KICS2: variants seen among roughly 807,000 people sequenced by gnomAD.
The protein encoded by KICS2 is KICSTOR subunit 2, also known as KICSTOR complex protein C12orf66.
A neutral mutation model predicts 31.4 loss-of-function variants in KICS2; 13 were observed. The observed-to-expected ratio is 0.41, with a 90% CI of 0.27 to 0.66. KICS2 has a LOEUF of 0.66. Among genes scored for constraint, KICS2 ranks in the 30% least tolerant of loss-of-function variants. The pLI is 0.28. For synonymous variants in KICS2, 209 were observed against 214.8 expected, an observed-to-expected ratio of 0.97 and a Z score of 0.24; for missense variants, 455 against 545.4, an observed-to-expected ratio of 0.83 and a Z score of 1.65.
intron 2 of KICS2, among the ~76,000 whole-genome samples, chr12:64,195,052 T>C (rs1396583266): frequency 1.3e-5 from 2 of 152,056 alleles, no homozygotes; most frequent in African/African-American, 2.4e-5. Flanking sequence ...AGTGAGCCTC[T>C]TGCCTTAGCA....
intron 2 of KICS2, among the ~76,000 whole-genome samples, chr12:64,214,311 C>T (rs1437882779): frequency 2.0e-5 from 3 of 152,134 alleles, no homozygotes; most frequent in African/African-American, 7.2e-5. Flanking sequence ...AGAAAAAACA[C>T]CCTAAACAAA....
At chr12:64,206,264 T>C (rs562997416) in intron 2 of KICS2, among the ~76,000 whole-genome samples, 47 of 152,318 alleles carry the variant, frequency 3.1e-4, no homozygotes, top group African/African-American at 1.1e-3. Context: ...CATGCAGCTT[T>C]GGTACATAGG....
At chr12:64,196,139 T>C (rs1436662116) in intron 2 of KICS2, among the ~76,000 whole-genome samples, 1 of 152,158 alleles carries the variant, frequency 6.6e-6, no homozygotes, top group Non-Finnish European at 1.5e-5. Flanking sequence ...GCTCCACCTC[T>C]GGGGGCAGGG....
intron 2 of KICS2, among the ~76,000 whole-genome samples, chr12:64,199,068 T>C (rs1448828994): frequency 9.2e-5 from 7 of 76,262 alleles, no homozygotes; most frequent in Admixed American, 4.6e-4. Context: ...TTCCAATCAA[T>C]AGAAAAAGAG....
Position 64,191,389 on chromosome 12 carries a change from A to G in KICS2, c.*2453T>C, listed in dbSNP as rs552918931. 2 of 152,136 alleles carry G rather than the reference A, an allele frequency of 1.3e-5. No individual in the cohort carries two copies. The highest frequency in any genetic ancestry group is 2.9e-5 in the Non-Finnish European group (2 of 68,012). 9.4% of individuals were successfully genotyped at this position (152,136 alleles called of 1,614,324 possible). A position where few individuals can be genotyped will look rare whatever the true frequency, so the allele number is the denominator to read the frequency against. On this transcript the variant is annotated 3_prime_UTR_variant, in exon 3 of 3. Coordinates refer to ENST00000398055, the MANE Select transcript of KICS2 (RefSeq NM_152440.5). ...TTTTTGTGTTTATGTTTAAAAATAG[A>G]TATACAATTCAAATATGTTCTAGGT...
chr12:64,207,068 G>A (rs574592603), intron 2 of KICS2, among the ~76,000 whole-genome samples: 1 of 152,168 alleles, frequency 6.6e-6, no homozygotes, highest in African/African-American at 2.4e-5. Flanking sequence ...ACTTTGGGAG[G>A]CTGAGATGGG....
At chr12:64,210,937 A>T (rs1456151817) in intron 2 of KICS2, among the ~76,000 whole-genome samples, 1 of 152,120 alleles carries the variant, frequency 6.6e-6, no homozygotes, top group Non-Finnish European at 1.5e-5. Flanking sequence ...TTAGTTACCC[A>T]ATTTTTTTGA....
Position 64,192,831 on chromosome 12 carries a change from A to G in KICS2, c.*1011T>C. 1.0e-6 allele frequency: 1 copy of G among 985,484 alleles called. No individual in the cohort carries two copies. The highest frequency in any genetic ancestry group is 1.2e-6 in the Non-Finnish European group (1 of 829,944). 61.0% of individuals were successfully genotyped at this position (985,484 alleles called of 1,614,324 possible). ...GGGGGCAGGCATGAAACCCAAGTTC[A>G]GAAGTGCTTAAGTACTGAGGTGATT... On this transcript the variant is annotated 3_prime_UTR_variant, in exon 3 of 3. Coordinates refer to ENST00000398055, the MANE Select transcript of KICS2 (RefSeq NM_152440.5).
chr12:64,220,850 GAAT>G (rs1166920003), intron 1 of KICS2, among the ~76,000 whole-genome samples: 1 of 152,032 alleles, frequency 6.6e-6, no homozygotes, highest in African/African-American at 2.4e-5. Context: ...ATAGAAAGGG[GAAT>G]AATAACACCA....
intron 2 of KICS2, among the ~76,000 whole-genome samples, chr12:64,215,261 G>A (rs1018299086): frequency 1.3e-5 from 2 of 152,138 alleles, no homozygotes; most frequent in African/African-American, 4.8e-5. Flanking sequence ...GCAGTGAGCT[G>A]AGATCATGCT....
At chr12:64,202,853 G>T (rs2037503312) in intron 2 of KICS2, among the ~76,000 whole-genome samples, 1 of 151,816 alleles carries the variant, frequency 6.6e-6, no homozygotes, top group African/African-American at 2.4e-5. Context: ...TCTAGGCACA[G>T]GGAAAAAAGG....
chr12:64,187,721 T>G, downstream of KICS2: 1 of 1,296,954 alleles, frequency 7.7e-7, no homozygotes, highest in Non-Finnish European at 1.1e-6. Context: ...GGGAGTCACA[T>G]AGCATGTTTT....
At position 64,193,396 on chromosome 12, in the gene KICS2, A is replaced by G; in HGVS notation, c.*446T>C. ...CCATATTCATTTGCTAATTTATGAG[A>G]CAGAAAACATATAGTTCTTAATTCT... is the stretch of plus-strand genomic sequence containing the variant. On this transcript the variant is annotated 3_prime_UTR_variant, in exon 3 of 3. Transcript: ENST00000398055. 1 of 986,012 alleles carries G rather than the reference A, an allele frequency of 1.0e-6. No individual in the cohort carries two copies. The highest frequency in any genetic ancestry group is 1.2e-6 in the Non-Finnish European group (1 of 830,248). The allele number at this position is 986,012 out of a possible 1,614,324, so 61.1% of individuals were successfully genotyped here. A position where few individuals can be genotyped will look rare whatever the true frequency, so the allele number is the denominator to read the frequency against.
chr12:64,210,999 G>A (rs2037577779), intron 2 of KICS2, among the ~76,000 whole-genome samples: 1 of 151,970 alleles, frequency 6.6e-6, no homozygotes, highest in African/African-American at 2.4e-5. Flanking sequence ...GAGGTTTCTG[G>A]GCACACTAAA....
At chr12:64,219,086 T>C (rs2037655421) in intron 1 of KICS2, among the ~76,000 whole-genome samples, 2 of 152,218 alleles carry the variant, frequency 1.3e-5, no homozygotes, top group Non-Finnish European at 2.9e-5. Flanking sequence ...TAGTTATAAA[T>C]GCTCATAATT....
intron 2 of KICS2, among the ~76,000 whole-genome samples, chr12:64,211,725 A>G (rs1341963342): frequency 6.6e-6 from 1 of 152,222 alleles, no homozygotes; most frequent in Non-Finnish European, 1.5e-5. Context: ...ATAAATGTTG[A>G]CCCATGTGAA....
Position 64,194,669 on chromosome 12 carries a change from G to T in KICS2, c.522-11C>A, listed in dbSNP as rs578180187. The T allele has an allele frequency of 6.3e-7, 1 of 1,585,086 alleles. No homozygotes were observed. The highest frequency in any genetic ancestry group is 1.4e-5 in the African/African-American group (1 of 73,932). On this transcript the variant is annotated splice_polypyrimidine_tract_variant and intron_variant, in intron 2 of 2. Coordinates refer to ENST00000398055, the MANE Select transcript of KICS2 (RefSeq NM_152440.5). ...ATTGGGTGGTGAAATCTAAAGGGGA[G>T]AGGGAAATAGAGATAAGTGGAAATG...
chr12:64,204,306 G>A (rs2037517671), intron 2 of KICS2, among the ~76,000 whole-genome samples: 1 of 151,994 alleles, frequency 6.6e-6, no homozygotes, highest in Non-Finnish European at 1.5e-5. Context: ...AAACCACCAC[G>A]GCACATGTTT....
downstream of KICS2, chr12:64,186,601 T>C (rs1461163484): frequency 2.0e-5 from 3 of 152,230 alleles, no homozygotes; most frequent in Non-Finnish European, 4.4e-5. Flanking sequence ...CTTTTGAGGC[T>C]ATTTAAACAT....
Sources: allele counts gnomAD v4.1 joint callset (sites outside exome capture counted in the v4.1 genomes callset), GRCh38; gene constraint gnomAD v4.1.1; transcripts MANE v1.5; gene names NCBI Gene and HGNC (gene_info 2026-07-23, HGNC 2026-07-21).